PHLPP1: variants seen among roughly 807,000 people sequenced by gnomAD.
PHLPP1 encodes the protein PH domain and leucine rich repeat protein phosphatase 1.
PHLPP1 carries 42 observed loss-of-function variants against 117.2 expected under a neutral mutation model. The ratio of observed to expected loss-of-function variants is 0.36; its 90% CI spans 0.28 to 0.46. The LOEUF (loss-of-function observed/expected upper bound fraction) is 0.46. PHLPP1 is among the 20% of genes least tolerant of loss of function. PHLPP1 has a pLI of 1.00. For synonymous variants in PHLPP1, 1,042 were observed against 970.7 expected (o/e 1.07, Z -1.37); for missense variants, 2,084 against 2,241.9 (o/e 0.93, Z 1.42).
At chr18:62,927,924 A>G (rs912310046) in intron 10 of PHLPP1, among the ~76,000 whole-genome samples, 6 of 152,164 alleles carry the variant, frequency 3.9e-5, no homozygotes, top group African/African-American at 9.7e-5. Context: ...AAAACTTATT[A>G]TATTAAAACT....
intron 1 of PHLPP1, among the ~76,000 whole-genome samples, chr18:62,771,325 A>T (rs1457155382): frequency 1.3e-5 from 2 of 152,100 alleles, no homozygotes; most frequent in African/African-American, 4.8e-5. Flanking sequence ...ATATGCTACC[A>T]TTAAGCAATC....
intron 12 of PHLPP1, among the ~76,000 whole-genome samples, chr18:62,957,173 C>T (rs751670469): frequency 6.6e-6 from 1 of 152,176 alleles, no homozygotes; most frequent in Non-Finnish European, 1.5e-5. Context: ...GTATCTAGAG[C>T]GCTGACCACT....
intron 1 of PHLPP1, among the ~76,000 whole-genome samples, chr18:62,725,367 A>G (rs1040233478): frequency 2.6e-5 from 4 of 151,596 alleles, no homozygotes; most frequent in Non-Finnish European, 5.9e-5. Flanking sequence ...CTCAAAAAAA[A>G]AAAAAAATAA....
At chr18:62,841,063 T>A (rs1363626511) in intron 3 of PHLPP1, among the ~76,000 whole-genome samples, 2 of 152,208 alleles carry the variant, frequency 1.3e-5, no homozygotes, top group East Asian at 3.9e-4. Context: ...AATTTTTGTA[T>A]TTTTAGTAGA....
At chr18:62,961,333 A>T (rs1162446705) in intron 13 of PHLPP1, among the ~76,000 whole-genome samples, 2 of 152,144 alleles carry the variant, frequency 1.3e-5, no homozygotes, top group African/African-American at 4.8e-5. Context: ...GTCAGCATTC[A>T]TTTCACTTCA....
chr18:62,805,499 A>G (rs909075194), intron 1 of PHLPP1, among the ~76,000 whole-genome samples: 2 of 152,092 alleles, frequency 1.3e-5, no homozygotes, highest in Non-Finnish European at 2.9e-5. Context: ...CTAGGACTAC[A>G]AGCATGCGCC....
At position 62,760,385 on chromosome 18, in the gene PHLPP1, T is replaced by A. The variant is rs181901553; in HGVS notation, c.1576+43126T>A. Among the ~76,000 whole-genome samples, 226 of 152,342 alleles carry A rather than the reference T, an allele frequency of 1.5e-3. 4 individuals are homozygous for A. Among genetic ancestry groups the A allele is most frequent in the Non-Finnish European group, 2.0e-3 (133 of 68,034 alleles). On this transcript the variant is annotated intron_variant, in intron 1 of 16. Transcript: ENST00000262719. ...AGTTTGCAGTCCGAGATCTGTAAGT[T>A]TTCTCATCACAGATGGGTTCCTATT...
intron 3 of PHLPP1, among the ~76,000 whole-genome samples, chr18:62,851,088 G>T (rs1327328973): frequency 6.6e-6 from 1 of 152,122 alleles, no homozygotes; most frequent in African/African-American, 2.4e-5. Flanking sequence ...TATAGTTCCT[G>T]GTTCATAAAA....
chr18:62,917,436 T>G (rs1417248992), intron 9 of PHLPP1, among the ~76,000 whole-genome samples: 8 of 70,514 alleles, frequency 1.1e-4, no homozygotes, highest in East Asian at 3.2e-4. Flanking sequence ...GTGTGTGTGT[T>G]TAACATGTGG....
intron 4 of PHLPP1, among the ~76,000 whole-genome samples, chr18:62,885,736 T>C (rs1916270845): frequency 6.6e-6 from 1 of 152,164 alleles, no homozygotes; most frequent in African/African-American, 2.4e-5. Flanking sequence ...ATGAATTTAG[T>C]GCATTTAAAC....
At chr18:62,870,988 ACT>A (rs1345559531) in intron 4 of PHLPP1, among the ~76,000 whole-genome samples, 14 of 152,186 alleles carry the variant, frequency 9.2e-5, no homozygotes. Context: ...TATATGTGTC[ACT>A]AATAACTATA....
chr18:62,941,767 G>C lies in PHLPP1; in HGVS notation c.3010G>C (p.Ala1004Pro), dbSNP rs1568168754. ...SANKLESLPP[A>P]TLSEETNSIL... ...GAACAAACTGGAAAGCCTTCCTCCAGCCACGCTTTCCGAAGAGACAAACAG... is the reference window on the plus strand; with the variant it reads ...GAACAAACTGGAAAGCCTTCCTCCACCCACGCTTTCCGAAGAGACAAACAG... Residue 1004 changes from alanine to proline, a missense_variant, in exon 11 of 17, where the codon GCC (alanine) becomes CCC (proline). This residue lies in a region of PHLPP1 where 1,365 missense variants were observed against 1,605.9 expected (regional missense o/e 0.85). Coordinates refer to ENST00000262719, the MANE Select transcript of PHLPP1 (RefSeq NM_194449.4). The C allele has an allele frequency of 1.2e-6, 2 of 1,613,758 alleles. No homozygotes were observed. Among genetic ancestry groups the C allele is most frequent in the Non-Finnish European group, 1.7e-6 (2 of 1,179,798 alleles).
chr18:62,930,587 A>T (rs1468239661), intron 10 of PHLPP1, among the ~76,000 whole-genome samples: 1 of 152,226 alleles, frequency 6.6e-6, no homozygotes, highest in Non-Finnish European at 1.5e-5. Flanking sequence ...ACCTAAGAAA[A>T]GAGATAGCGA....
chr18:62,948,212 C>G (rs953903039), intron 12 of PHLPP1, among the ~76,000 whole-genome samples: 5 of 151,732 alleles, frequency 3.3e-5, no homozygotes, highest in African/African-American at 1.2e-4. Context: ...GTAGTCCCAG[C>G]TACTTGGGAG....
intron 1 of PHLPP1, among the ~76,000 whole-genome samples, chr18:62,775,395 A>G (rs1912920775): frequency 6.6e-6 from 1 of 152,206 alleles, no homozygotes; most frequent in African/African-American, 2.4e-5. Context: ...CACCGCGCCC[A>G]GCCCACTAAT....
intron 12 of PHLPP1, among the ~76,000 whole-genome samples, chr18:62,957,671 G>C (rs752870466): frequency 3.3e-5 from 5 of 150,698 alleles, no homozygotes; most frequent in African/African-American, 4.9e-5. Context: ...GCCCAGGCCA[G>C]AATGCAGTGG....
chr18:62,860,530 C>T lies in PHLPP1; in HGVS notation c.1995C>T (p.Leu665=). Residue 665 remains leucine, a synonymous_variant, in exon 4 of 17, where the codon CTC becomes CTT. Coordinates refer to ENST00000262719, the MANE Select transcript of PHLPP1 (RefSeq NM_194449.4). ...TCTACAGCCAAGACCTCACTCATCT[C>T]AATTTAAAACAAAACTTCCTAAGGC... ...NLFYSQDLTH[L]NLKQNFLRQN... is the part of the protein sequence containing the mutation. 1.2e-6 allele frequency: 2 copies of T among 1,613,822 alleles called. No homozygotes were observed. The highest frequency in any genetic ancestry group is 1.7e-6 in the Non-Finnish European group (2 of 1,179,790).
At chr18:62,809,004 G>C (rs1018217138) in intron 1 of PHLPP1, among the ~76,000 whole-genome samples, 1 of 152,118 alleles carries the variant, frequency 6.6e-6, no homozygotes, top group African/African-American at 2.4e-5. Flanking sequence ...CTACTGCCAG[G>C]TATAGAGATG....
At chr18:62,772,522 T>A (rs888352137) in intron 1 of PHLPP1, among the ~76,000 whole-genome samples, 2 of 152,130 alleles carry the variant, frequency 1.3e-5, no homozygotes, top group African/African-American at 4.8e-5. Context: ...GTGAATTTTA[T>A]TGTTTTTAAA....
Sources: allele counts gnomAD v4.1 joint callset (sites outside exome capture counted in the v4.1 genomes callset), GRCh38; gene constraint gnomAD v4.1.1; regional missense constraint gnomAD v4.1.1; transcripts MANE v1.5; gene names NCBI Gene and HGNC (gene_info 2026-07-23, HGNC 2026-07-21).